The following IL19 variants were observed in gnomAD, a reference collection of about 807,000 sequenced individuals.
IL19 encodes the protein interleukin 19.
In IL19, 15 loss-of-function variants were observed where a neutral mutation model predicts 19.5. The observed-to-expected ratio is 0.77, with a 90% CI of 0.52 to 1.19. The LOEUF (loss-of-function observed/expected upper bound fraction) is 1.19, where lower values mean the gene tolerates loss of function less well. Among genes scored for constraint, IL19 ranks in the 50% most tolerant of loss-of-function variants. IL19 has a pLI of 0.00. For synonymous variants in IL19, 78 were observed against 78.3 expected (o/e 1.00, Z 0.02); for missense variants, 199 against 213.1 (o/e 0.93, Z 0.41).
chr1:206,820,037 C>T (rs557136209), intron 2 of IL19, among the ~76,000 whole-genome samples: 1 of 152,246 alleles, frequency 6.6e-6, no homozygotes, highest in South Asian at 2.1e-4. Context: ...TCATATTCAA[C>T]CATGGAGTCT....
chr1:206,821,718 A>G (rs1208196631), intron 2 of IL19, among the ~76,000 whole-genome samples: 1 of 152,220 alleles, frequency 6.6e-6, no homozygotes, highest in Admixed American at 6.5e-5. Flanking sequence ...AAGCTTCCCC[A>G]GGCACAGCAG....
chr1:206,783,787 C>T (rs1675199950), intron 1 of IL19, among the ~76,000 whole-genome samples: 1 of 152,178 alleles, frequency 6.6e-6, no homozygotes, highest in African/African-American at 2.4e-5. Context: ...CCAGCTCTGC[C>T]CTTTCCCATC....
chr1:206,788,087 C>A (rs1360719702), intron 1 of IL19, among the ~76,000 whole-genome samples: 1 of 152,170 alleles, frequency 6.6e-6, no homozygotes, highest in African/African-American at 2.4e-5. Flanking sequence ...GTCTGCAGAC[C>A]TCTTATTCAT....
At chr1:206,814,216 A>C (rs1200879184) in intron 2 of IL19, among the ~76,000 whole-genome samples, 1 of 152,082 alleles carries the variant, frequency 6.6e-6, no homozygotes, top group Non-Finnish European at 1.5e-5. Flanking sequence ...AAAGACTCCT[A>C]TACTAAGTGT....
intron 1 of IL19, among the ~76,000 whole-genome samples, chr1:206,778,188 C>T (rs188437458): frequency 2.6e-5 from 4 of 152,176 alleles, no homozygotes; most frequent in East Asian, 1.9e-4. Context: ...CACAGATGAG[C>T]GGAAGGGCTG....
intron 1 of IL19, among the ~76,000 whole-genome samples, chr1:206,798,148 T>G (rs988910146): frequency 6.6e-6 from 1 of 152,186 alleles, no homozygotes; most frequent in African/African-American, 2.4e-5. Flanking sequence ...TCTTTTAATT[T>G]TTTTTGAGAT....
At position 206,798,993 on chromosome 1, in the gene IL19, C is replaced by T. The variant is rs1558611414; in HGVS notation, c.-16C>T. The T allele has an allele frequency of 6.2e-7, 1 of 1,611,508 alleles. No homozygotes were observed. Among genetic ancestry groups the T allele is most frequent in the Non-Finnish European group, 8.5e-7 (1 of 1,177,660 alleles). On this transcript the variant is annotated 5_prime_UTR_variant, in exon 2 of 7. Coordinates refer to ENST00000659997, the MANE Select transcript of IL19 (RefSeq NM_153758.5). ...ATGTGTGTGTGCCAGTGCTTTGGGG[C>T]TCTGTTCCACGGGGTAAGTAATTTC...
Position 206,842,695 on chromosome 1 carries a change from TGAAGGGGAAGGA to T in IL19, c.*76_*87del. The T allele has an allele frequency of 1.1e-6, 1 of 903,296 alleles. No individual in the cohort carries two copies. Among genetic ancestry groups the T allele is most frequent in the Non-Finnish European group, 1.7e-6 (1 of 573,564 alleles). The allele number at this position is 903,296 out of a possible 1,614,324, so 56.0% of individuals were successfully genotyped here. ...GTTTACTGTGGGAGACAGCCCACCTTGAAGGGGAAGGAGATGGGGAAGGCCCCTTGCAGCTGA... is the reference window on the plus strand; with the variant it reads ...GTTTACTGTGGGAGACAGCCCACCTTGATGGGGAAGGCCCCTTGCAGCTGA... On this transcript the variant is annotated 3_prime_UTR_variant, in exon 7 of 7. Coordinates refer to ENST00000659997, the MANE Select transcript of IL19 (RefSeq NM_153758.5).
chr1:206,842,556 C>A lies in IL19; in HGVS notation c.468C>A (p.Ser156=). The A allele has an allele frequency of 6.3e-7, 1 of 1,575,186 alleles. No homozygotes were observed. The highest frequency in any genetic ancestry group is 2.3e-5 in the East Asian group (1 of 43,714). The change falls in exon 7 of 7, where the codon TCC becomes TCA. Residue 156 remains serine, a synonymous_variant. Coordinates refer to ENST00000659997, the MANE Select transcript of IL19 (RefSeq NM_153758.5). ...AGGTCCACGCTGCTGCCATTAAATC[C>A]CTGGGAGAGCTCGACGTCTTTCTAG... ...QLEVHAAAIK[S]LGELDVFLAW...
At chr1:206,784,340 C>G in intron 1 of IL19, among the ~76,000 whole-genome samples, 1 of 152,306 alleles carries the variant, frequency 6.6e-6, no homozygotes, top group Middle Eastern at 3.4e-3. Flanking sequence ...TCGGCAGGAG[C>G]GAGCGAACAT....
At chr1:206,772,585 A>G in intron 1 of IL19, 1 of 743,462 alleles carries the variant, frequency 1.3e-6, no homozygotes, top group East Asian at 2.7e-5. Flanking sequence ...TTCCCGGCAC[A>G]GGATTTTTTC....
intron 2 of IL19, among the ~76,000 whole-genome samples, chr1:206,832,999 A>G (rs1676662432): frequency 6.6e-6 from 1 of 152,226 alleles, no homozygotes; most frequent in Non-Finnish European, 1.5e-5. Flanking sequence ...GGTTTGTACC[A>G]GCCCAGTGGG....
At chr1:206,794,525 C>A (rs1675475614) in intron 1 of IL19, among the ~76,000 whole-genome samples, 1 of 152,142 alleles carries the variant, frequency 6.6e-6, no homozygotes. Flanking sequence ...ATGGTTGGCC[C>A]CGGGTCCTCC....
rs562517353 is a variant in IL19, at chr1:206,783,011, A to G, written c.-149+11933A>G. 1.6e-4 allele frequency among the ~76,000 whole-genome samples: 25 copies of G among 152,264 alleles called. No homozygotes were observed. In the South Asian group the frequency reaches 5.2e-3, roughly 32 times the overall value. ...GAATTTGTCCAATTAAATCAATATC[A>G]TTGGCTTGCCATTCTCGTCTCATCC... On this transcript the variant is annotated intron_variant, in intron 1 of 6. Coordinates refer to ENST00000659997, the MANE Select transcript of IL19 (RefSeq NM_153758.5).
intron 2 of IL19, among the ~76,000 whole-genome samples, chr1:206,827,845 G>GCTGTACCACACCC (rs1558619988): frequency 2.0e-5 from 3 of 152,108 alleles, no homozygotes; most frequent in African/African-American, 7.2e-5. Flanking sequence ...ATGACTGCAC[G>GCTGTACCACACCC]CAGCTGTACC....
intron 2 of IL19, among the ~76,000 whole-genome samples, chr1:206,820,966 C>A (rs994616283): frequency 6.6e-6 from 1 of 152,206 alleles, no homozygotes; most frequent in African/African-American, 2.4e-5. Context: ...AGGAGCCTTC[C>A]CTGATATCCC....
intron 1 of IL19, among the ~76,000 whole-genome samples, chr1:206,772,679 A>G (rs1327507209): frequency 6.6e-6 from 1 of 152,216 alleles, no homozygotes; most frequent in African/African-American, 2.4e-5. Flanking sequence ...TTGGTTGAAC[A>G]TGAACTTCTG....
At chr1:206,784,376 T>C (rs1009184722) in intron 1 of IL19, among the ~76,000 whole-genome samples, 4 of 152,106 alleles carry the variant, frequency 2.6e-5, no homozygotes, top group Non-Finnish European at 4.4e-5. Context: ...ATATTTTCCT[T>C]CCTTTCCAAA....
chr1:206,812,976 T>C (rs1016185062), intron 2 of IL19, among the ~76,000 whole-genome samples: 1 of 152,236 alleles, frequency 6.6e-6, no homozygotes, highest in Non-Finnish European at 1.5e-5. Context: ...TTTATAATCC[T>C]GAATTTGGGG....
Sources: gnomAD v4.1 joint callset for allele counts (sites outside exome capture counted in the v4.1 genomes callset) on GRCh38, gnomAD v4.1.1 for gene constraint, MANE v1.5 for transcripts, NCBI Gene and HGNC (gene_info 2026-07-23, HGNC 2026-07-21) for gene names.